Variants in MARCHF1 observed in about 807,000 individuals in gnomAD.
The protein encoded by MARCHF1 is E3 ubiquitin-protein ligase MARCHF1.
MARCHF1 carries 40 observed loss-of-function variants against 54.2 expected under a neutral mutation model. That is an observed-to-expected ratio of 0.74 (90% CI 0.57 to 0.96). The LOEUF is 0.96. Ranked by LOEUF, MARCHF1 falls within the 40% of genes least tolerant of loss-of-function variation. MARCHF1 has a pLI of 0.00. For missense variants in MARCHF1, 586 were observed against 656.5 expected, an observed-to-expected ratio of 0.89 and a Z score of 1.17; for synonymous variants, 236 against 236.3, an observed-to-expected ratio of 1.00 and a Z score of 0.01.
intron 3 of MARCHF1, among the ~76,000 whole-genome samples, chr4:163,957,407 T>A (rs1036691425): frequency 7.2e-5 from 11 of 152,154 alleles, no homozygotes; most frequent in African/African-American, 2.4e-4. Flanking sequence ...AACTATATCA[T>A]CCACTGATTT....
intron 8 of MARCHF1, chr4:163,556,048 G>A: frequency 2.2e-6 from 1 of 450,908 alleles, no homozygotes; most frequent in Non-Finnish European, 4.5e-6. Flanking sequence ...AAGAAACTGA[G>A]GCCCAGAGCA....
chr4:163,691,008 C>G (rs6810561), intron 5 of MARCHF1, among the ~76,000 whole-genome samples: 14,044 of 152,120 alleles, frequency 0.092, 1,194 homozygotes, highest in African/African-American at 0.23. Context: ...TCACTTGCAC[C>G]TGTTAGTTCT....
intron 5 of MARCHF1, among the ~76,000 whole-genome samples, chr4:163,645,020 C>G (rs955728128): frequency 6.6e-6 from 1 of 152,194 alleles, no homozygotes; most frequent in South Asian, 2.1e-4. Flanking sequence ...CAGTTACAAC[C>G]AAGGCAGTAC....
At chr4:164,156,062 G>T (rs1252038521) in intron 1 of MARCHF1, among the ~76,000 whole-genome samples, 1 of 152,062 alleles carries the variant, frequency 6.6e-6, no homozygotes, top group African/African-American at 2.4e-5. Context: ...TAAAACCAGA[G>T]GTTTCTTCAA....
intron 1 of MARCHF1, among the ~76,000 whole-genome samples, chr4:164,336,058 C>A (rs1470714117): frequency 2.0e-5 from 3 of 152,102 alleles, no homozygotes; most frequent in South Asian, 4.1e-4. Flanking sequence ...TACCAAGAGA[C>A]AACATTAGTA....
chr4:163,718,124 T>G (rs2111277536), intron 4 of MARCHF1, among the ~76,000 whole-genome samples: 1 of 152,298 alleles, frequency 6.6e-6, no homozygotes, highest in Admixed American at 6.5e-5. Context: ...ACTGGATCCC[T>G]TCCTTACATC....
intron 8 of MARCHF1, among the ~76,000 whole-genome samples, chr4:163,569,712 C>T (rs760938159): frequency 2.6e-5 from 4 of 152,124 alleles, no homozygotes; most frequent in Non-Finnish European, 5.9e-5. Flanking sequence ...ATCTTAATCA[C>T]TACACTGGTC....
At chr4:163,659,044 T>C (rs1743253100) in intron 5 of MARCHF1, among the ~76,000 whole-genome samples, 1 of 152,008 alleles carries the variant, frequency 6.6e-6, no homozygotes, top group Non-Finnish European at 1.5e-5. Context: ...TAGTATGCTG[T>C]TGTTCTCTGG....
intron 4 of MARCHF1, among the ~76,000 whole-genome samples, chr4:163,849,503 G>T (rs1386515406): frequency 2.6e-5 from 4 of 152,124 alleles, no homozygotes; most frequent in Non-Finnish European, 5.9e-5. Flanking sequence ...ACCAAAGAAG[G>T]AATGCATTTG....
At chr4:163,866,168 T>G (rs1364623604) in intron 3 of MARCHF1, among the ~76,000 whole-genome samples, 1 of 151,624 alleles carries the variant, frequency 6.6e-6, no homozygotes, top group Non-Finnish European at 1.5e-5. Flanking sequence ...ATCTTGAGCA[T>G]GTTTTAATGC....
At chr4:163,999,188 T>C (rs1753138725) in intron 2 of MARCHF1, among the ~76,000 whole-genome samples, 1 of 151,578 alleles carries the variant, frequency 6.6e-6, no homozygotes, top group Non-Finnish European at 1.5e-5. Flanking sequence ...CCAATGTATA[T>C]ATATTTCAAA....
chr4:163,603,416 C>T (rs1317067849), intron 7 of MARCHF1, among the ~76,000 whole-genome samples: 1 of 152,060 alleles, frequency 6.6e-6, no homozygotes, highest in African/African-American at 2.4e-5. Context: ...AATTATACTT[C>T]CTGCAGTCTG....
intron 7 of MARCHF1, among the ~76,000 whole-genome samples, chr4:163,600,649 A>G (rs929572460): frequency 2.6e-5 from 4 of 152,240 alleles, no homozygotes; most frequent in African/African-American, 9.6e-5. Flanking sequence ...CTGTGTGGCA[A>G]AACATTTTAA....
intron 2 of MARCHF1, among the ~76,000 whole-genome samples, chr4:164,047,798 A>T (rs1283357101): frequency 6.6e-6 from 1 of 152,202 alleles, no homozygotes; most frequent in East Asian, 1.9e-4. Context: ...AGAAATTTCT[A>T]GTTTGATAAA....
At chr4:164,023,268 C>T (rs1052685555) in intron 2 of MARCHF1, among the ~76,000 whole-genome samples, 2 of 152,110 alleles carry the variant, frequency 1.3e-5, no homozygotes, top group African/African-American at 4.8e-5. Context: ...ATGACTGTGT[C>T]ACCAGTGACT....
intron 5 of MARCHF1, among the ~76,000 whole-genome samples, chr4:163,656,473 G>C (rs145281210): frequency 6.6e-6 from 1 of 151,844 alleles, no homozygotes; most frequent in Non-Finnish European, 1.5e-5. Context: ...TTCTACCAGA[G>C]GTACAAACAG....
chr4:164,363,799 A>G (rs1730797137), intron 1 of MARCHF1, among the ~76,000 whole-genome samples: 1 of 111,560 alleles, frequency 9.0e-6, no homozygotes, highest in Non-Finnish European at 2.0e-5. Flanking sequence ...GTTCTTACAT[A>G]CTATGGATCT....
At chr4:163,897,040 T>G (rs1750824900) in intron 3 of MARCHF1, among the ~76,000 whole-genome samples, 1 of 152,216 alleles carries the variant, frequency 6.6e-6, no homozygotes, top group African/African-American at 2.4e-5. Flanking sequence ...ATTTACAATT[T>G]TAATATCCAC....
intron 1 of MARCHF1, chr4:164,197,667 C>A (rs1031772747): frequency 6.2e-7 from 1 of 1,612,586 alleles, no homozygotes; most frequent in Non-Finnish European, 8.5e-7. Flanking sequence ...CATCAGAGGG[C>A]GCCCTGTTCC....
Sources: gnomAD v4.1 joint callset for allele counts (sites outside exome capture counted in the v4.1 genomes callset) on GRCh38, gnomAD v4.1.1 for gene constraint, MANE v1.5 for transcripts, NCBI Gene and HGNC (gene_info 2026-07-23, HGNC 2026-07-21) for gene names.